Variants in LRMDA observed in about 807,000 individuals in gnomAD.
LRMDA encodes the protein leucine-rich melanocyte differentiation-associated protein.
Under a neutral mutation model 29.8 loss-of-function variants are expected in LRMDA, and 18 were observed. The observed-to-expected ratio is 0.60, with a 90% CI of 0.42 to 0.90. LRMDA has a LOEUF of 0.90. Among genes scored for constraint, LRMDA ranks in the 40% least tolerant of loss-of-function variants. The pLI, the probability that LRMDA is intolerant of heterozygous loss-of-function variation, is 0.00. For missense variants in LRMDA, 273 were observed against 273.9 expected (o/e 1.00, Z 0.02); for synonymous variants, 125 against 109.4 (o/e 1.14, Z -0.89).
At chr10:76,427,748 A>G (rs1189225547) in intron 6 of LRMDA, among the ~76,000 whole-genome samples, 1 of 152,120 alleles carries the variant, frequency 6.6e-6, no homozygotes, top group African/African-American at 2.4e-5. Flanking sequence ...GTTTGTCATA[A>G]ATAGCTCTTA....
intron 5 of LRMDA, among the ~76,000 whole-genome samples, chr10:76,221,825 A>G (rs1589382080): frequency 6.6e-6 from 1 of 152,126 alleles, no homozygotes; most frequent in East Asian, 1.9e-4. Context: ...ATCCTAAGCC[A>G]AAAGAACAAA....
At chr10:75,662,332 A>G (rs552886989) in intron 2 of LRMDA, among the ~76,000 whole-genome samples, 2 of 152,354 alleles carry the variant, frequency 1.3e-5, no homozygotes, top group Non-Finnish European at 1.5e-5. Flanking sequence ...GAAGCTGAGT[A>G]GATCATAGAC....
chr10:75,627,689 C>T (rs1412049564), intron 2 of LRMDA, among the ~76,000 whole-genome samples: 1 of 152,170 alleles, frequency 6.6e-6, no homozygotes, highest in Non-Finnish European at 1.5e-5. Context: ...TCACTACCAA[C>T]AGAAATCTAC....
intron 2 of LRMDA, among the ~76,000 whole-genome samples, chr10:75,959,090 C>T (rs1846716533): frequency 6.6e-6 from 1 of 152,162 alleles, no homozygotes; most frequent in South Asian, 2.1e-4. Flanking sequence ...CAAACCATAT[C>T]AGAGAGCAAA....
At chr10:76,330,150 C>CA (rs1271080642) in intron 6 of LRMDA, among the ~76,000 whole-genome samples, 2 of 152,120 alleles carry the variant, frequency 1.3e-5, no homozygotes, top group Non-Finnish European at 2.9e-5. Context: ...TTCGGAGGTG[C>CA]AGGGGCAGAA....
intron 2 of LRMDA, among the ~76,000 whole-genome samples, chr10:75,910,503 G>A (rs761634587): frequency 5.3e-5 from 8 of 152,256 alleles, no homozygotes; most frequent in Non-Finnish European, 7.4e-5. Flanking sequence ...ATGCTGTGCC[G>A]TCCAGTATTT....
At chr10:75,983,243 T>C (rs1257729569) in intron 2 of LRMDA, among the ~76,000 whole-genome samples, 1 of 152,204 alleles carries the variant, frequency 6.6e-6, no homozygotes, top group Non-Finnish European at 1.5e-5. Context: ...ATTGATCAGC[T>C]AAAACCATAG....
chr10:75,769,247 C>T (rs1345057692), intron 2 of LRMDA, among the ~76,000 whole-genome samples: 2 of 152,098 alleles, frequency 1.3e-5, no homozygotes, highest in African/African-American at 2.4e-5. Flanking sequence ...TAAAAGGAGC[C>T]GAGTATGATA....
chr10:76,193,004 C>T (rs1398864290), intron 5 of LRMDA, among the ~76,000 whole-genome samples: 3 of 152,088 alleles, frequency 2.0e-5, no homozygotes, highest in Non-Finnish European at 4.4e-5. Context: ...TAAGTATGCC[C>T]CTCCTCTTTT....
intron 6 of LRMDA, among the ~76,000 whole-genome samples, chr10:76,359,436 A>C (rs535689480): frequency 6.6e-6 from 1 of 152,312 alleles, no homozygotes; most frequent in South Asian, 2.1e-4. Flanking sequence ...CATTCACAGC[A>C]GAGGGGAGGG....
At chr10:75,908,407 A>T (rs986780271) in intron 2 of LRMDA, among the ~76,000 whole-genome samples, 4 of 152,240 alleles carry the variant, frequency 2.6e-5, no homozygotes, top group African/African-American at 9.6e-5. Flanking sequence ...TCATTTGTAT[A>T]GTAATAAATT....
At chr10:76,082,464 G>A (rs73281587) in intron 5 of LRMDA, among the ~76,000 whole-genome samples, 1 of 151,918 alleles carries the variant, frequency 6.6e-6, no homozygotes, top group Non-Finnish European at 1.5e-5. Context: ...TGGGAGGAGC[G>A]AGAACTAGGC....
At position 75,896,002 on chromosome 10, in the gene LRMDA, A is replaced by G. The variant is rs564734077; in HGVS notation, c.132-140006A>G. Among the ~76,000 whole-genome samples the G allele has an allele frequency of 3.9e-5, 6 of 152,272 alleles. No individual in the cohort carries two copies. In the South Asian group the frequency reaches 1.2e-3, roughly 32 times the overall value. On this transcript the variant is annotated intron_variant, in intron 2 of 6. Transcript: ENST00000611255. ...ATAATCTCTGCATTTCAGTTTTCCC[A>G]TGTGTATATTGAGGATAATAGAAGC... is the stretch of plus-strand genomic sequence containing the variant.
At chr10:75,989,872 G>T (rs1314632469) in intron 2 of LRMDA, among the ~76,000 whole-genome samples, 3 of 152,154 alleles carry the variant, frequency 2.0e-5, no homozygotes, top group African/African-American at 4.8e-5. Context: ...TTCTAGGGCA[G>T]CTGCAGGTGA....
intron 6 of LRMDA, among the ~76,000 whole-genome samples, chr10:76,401,812 CAG>C (rs939011359): frequency 6.6e-6 from 1 of 152,130 alleles, no homozygotes; most frequent in Admixed American, 6.6e-5. Context: ...TACAGACAAA[CAG>C]GAAAAGCTTT....
chr10:75,448,892 C>T (rs1223438028), intron 2 of LRMDA, among the ~76,000 whole-genome samples: 1 of 152,208 alleles, frequency 6.6e-6, no homozygotes. Flanking sequence ...TGGCTCACGC[C>T]TATAATCCCA....
chr10:76,508,638 A>T (rs1842981586), intron 6 of LRMDA, among the ~76,000 whole-genome samples: 2 of 146,126 alleles, frequency 1.4e-5, no homozygotes, highest in African/African-American at 2.5e-5. Context: ...GCTATTCCTT[A>T]TTTTCTTTTA....
At chr10:75,595,180 A>T (rs2132087083) in intron 2 of LRMDA, among the ~76,000 whole-genome samples, 1 of 152,326 alleles carries the variant, frequency 6.6e-6, no homozygotes, top group Middle Eastern at 3.4e-3. Flanking sequence ...GATTTTATTT[A>T]CTAATGGCCC....
chr10:75,967,673 C>T (rs890491981), intron 2 of LRMDA, among the ~76,000 whole-genome samples: 1 of 151,650 alleles, frequency 6.6e-6, no homozygotes, highest in African/African-American at 2.4e-5. Flanking sequence ...TTAATCTGCA[C>T]AGTATGAAGC....
Sources: gnomAD v4.1 joint callset for allele counts (sites outside exome capture counted in the v4.1 genomes callset) on GRCh38, gnomAD v4.1.1 for gene constraint, MANE v1.5 for transcripts, NCBI Gene and HGNC (gene_info 2026-07-23, HGNC 2026-07-21) for gene names.